Variants in PCDH15 observed in about 807,000 individuals in gnomAD.
PCDH15 encodes protocadherin related 15.
A neutral mutation model predicts 178.5 loss-of-function variants in PCDH15; 129 were observed. The ratio of observed to expected loss-of-function variants is 0.72; its 90% confidence interval spans 0.63 to 0.84. PCDH15 has a LOEUF of 0.84. PCDH15 is among the 40% of genes least tolerant of loss of function. PCDH15 has a pLI of 0.00. For missense variants in PCDH15, 2,230 were observed against 2,099.9 expected (o/e 1.06, Z -1.21); for synonymous variants, 800 against 732.0 (o/e 1.09, Z -1.50).
intron 8 of PCDH15, among the ~76,000 whole-genome samples, chr10:54,269,419 TGTTAAAA>T (rs1023696859): frequency 2.6e-5 from 4 of 151,886 alleles, no homozygotes; most frequent in African/African-American, 9.7e-5. Context: ...ATCTGCAAGG[TGTTAAAA>T]GTTAAAAAAG....
intron 3 of PCDH15, among the ~76,000 whole-genome samples, chr10:54,852,618 C>T (rs987253885): frequency 5.9e-5 from 9 of 151,848 alleles, no homozygotes; most frequent in African/African-American, 1.2e-4. Context: ...TTTGGGAGGC[C>T]GAGGCAGGTG....
At chr10:54,287,571 G>T (rs950751476) in intron 8 of PCDH15, among the ~76,000 whole-genome samples, 1 of 151,900 alleles carries the variant, frequency 6.6e-6, no homozygotes, top group African/African-American at 2.4e-5. Flanking sequence ...TATCCTAGGG[G>T]TATATTTTTA....
intron 7 of PCDH15, among the ~76,000 whole-genome samples, chr10:54,327,364 C>T (rs1245196117): frequency 8.6e-5 from 13 of 151,076 alleles, no homozygotes; most frequent in East Asian, 3.9e-4. Context: ...ACAGTTTTCA[C>T]TCTGCTCTAT....
At chr10:54,485,363 A>C (rs1388638604) in intron 3 of PCDH15, among the ~76,000 whole-genome samples, 1 of 151,952 alleles carries the variant, frequency 6.6e-6, no homozygotes, top group East Asian at 1.9e-4. Context: ...CAAGCAATTG[A>C]GCCTCTTTTC....
At chr10:55,585,620 G>A (rs1842711717) in intron 2 of PCDH15, among the ~76,000 whole-genome samples, 2 of 152,072 alleles carry the variant, frequency 1.3e-5, no homozygotes, top group South Asian at 4.1e-4. Flanking sequence ...AGGTTGCATT[G>A]AGCCGAGATG....
intron 1 of PCDH15, among the ~76,000 whole-genome samples, chr10:54,722,579 CA>C (rs34375725): frequency 0.15 from 19,639 of 131,514 alleles, 1,349 homozygotes; most frequent in East Asian, 0.27. Flanking sequence ...CAATTGGGAC[CA>C]AAAAAAAAAA....
Position 53,807,121 on chromosome 10 carries a change from T to C in PCDH15, c.4681A>G (p.Lys1561Glu), listed in dbSNP as rs766725622. 1.3e-6 allele frequency: 2 copies of C among 1,592,614 alleles called. No individual in the cohort carries two copies. Among genetic ancestry groups the C allele is most frequent in the African/African-American group, 2.7e-5 (2 of 73,978 alleles). The change falls in exon 38 of 38, where the codon AAA (lysine) becomes GAA (glutamate). Residue 1561 changes from lysine to glutamate, a missense_variant. Transcript: ENST00000644397. ...EEYEEEEWAR[K>E]RMIKLVVDRE... ...TCAACAACTAACTTGATCATTCTTT[T>C]TCTTGCCCACTGATAAAATAAACAA...
intron 32 of PCDH15, among the ~76,000 whole-genome samples, 161 bp from the exon 33 acceptor site, chr10:53,820,391 G>A (rs535638002): frequency 1.3e-5 from 2 of 151,102 alleles, no homozygotes; most frequent in African/African-American, 4.9e-5. Flanking sequence ...AGGAATGCCA[G>A]GTCAAATTAT....
intron 6 of PCDH15, among the ~76,000 whole-genome samples, chr10:54,330,310 G>A (rs1256151256): frequency 2.0e-5 from 3 of 151,768 alleles, no homozygotes; most frequent in East Asian, 3.9e-4. Flanking sequence ...TACATACTAG[G>A]ACAAGTGATA....
chr10:54,338,329 A>T (rs1295898460), intron 6 of PCDH15, among the ~76,000 whole-genome samples: 2 of 152,166 alleles, frequency 1.3e-5, no homozygotes, highest in African/African-American at 2.4e-5. Context: ...ACTACAGTAA[A>T]TTTTTTAGTA....
chr10:54,162,205 C>T (rs1463519628), intron 13 of PCDH15, among the ~76,000 whole-genome samples: 2 of 75,750 alleles, frequency 2.6e-5, no homozygotes, highest in Non-Finnish European at 5.5e-5. Flanking sequence ...CCTTCTTATG[C>T]ACCTCACAAA....
At chr10:54,407,143 T>C (rs969870644) in intron 3 of PCDH15, among the ~76,000 whole-genome samples, 22 of 152,066 alleles carry the variant, frequency 1.4e-4, no homozygotes, top group African/African-American at 5.3e-4. Context: ...TGATAAAAAT[T>C]TCTTAAATAG....
chr10:55,023,494 G>A (rs1194616667), intron 2 of PCDH15, among the ~76,000 whole-genome samples: 1 of 151,996 alleles, frequency 6.6e-6, no homozygotes, highest in Non-Finnish European at 1.5e-5. Context: ...AAATAAGCAT[G>A]AATTTTTAAA....
At chr10:54,151,551 T>C (rs374647669) in intron 14 of PCDH15, among the ~76,000 whole-genome samples, 76 of 150,594 alleles carry the variant, frequency 5.0e-4, no homozygotes, top group African/African-American at 1.8e-3. Flanking sequence ...GGGGAAAAAA[T>C]GTAAAAGAAA....
At chr10:55,202,104 G>C (rs2132159872) in intron 1 of PCDH15, among the ~76,000 whole-genome samples, 1 of 152,168 alleles carries the variant, frequency 6.6e-6, no homozygotes, top group South Asian at 2.1e-4. Flanking sequence ...GCCATTTGCT[G>C]AATTAAAGAT....
At chr10:53,986,848 ATAAAG>A (rs1431604787) in intron 21 of PCDH15, among the ~76,000 whole-genome samples, 1 of 152,212 alleles carries the variant, frequency 6.6e-6, no homozygotes, top group African/African-American at 2.4e-5. Context: ...TTCAAGGGTT[ATAAAG>A]TTTTAATTGT....
At chr10:54,687,457 A>G (rs754581717) in intron 1 of PCDH15, among the ~76,000 whole-genome samples, 2 of 152,156 alleles carry the variant, frequency 1.3e-5, no homozygotes, top group East Asian at 1.9e-4. Flanking sequence ...TGCTACATAT[A>G]TAATATATAC....
intron 2 of PCDH15, among the ~76,000 whole-genome samples, chr10:54,602,151 A>C (rs1459499801): frequency 6.6e-6 from 1 of 152,040 alleles, no homozygotes; most frequent in Non-Finnish European, 1.5e-5. Flanking sequence ...AAAAAAGAAA[A>C]ATGTTGTATT....
At chr10:53,976,687 C>T (rs1473716129) in intron 21 of PCDH15, among the ~76,000 whole-genome samples, 1 of 127,378 alleles carries the variant, frequency 7.9e-6, no homozygotes, top group East Asian at 2.0e-4. Flanking sequence ...AAGCTCCATT[C>T]GAGTAGATTT....
Sources: gnomAD v4.1 joint callset for allele counts (sites outside exome capture counted in the v4.1 genomes callset) on GRCh38, gnomAD v4.1.1 for gene constraint, MANE v1.5 for transcripts, NCBI Gene and HGNC (gene_info 2026-07-23, HGNC 2026-07-21) for gene names.